The following ADGRL2 variants were observed in gnomAD, a reference collection of about 807,000 sequenced individuals.
ADGRL2 encodes the protein adhesion G protein-coupled receptor L2.
A neutral mutation model predicts 157.4 loss-of-function variants in ADGRL2; 44 were observed. The observed-to-expected ratio is 0.28, with a 90% CI of 0.22 to 0.36. ADGRL2 has a LOEUF of 0.36. Ranked by LOEUF, ADGRL2 falls within the 10% of genes least tolerant of loss-of-function variation. The pLI is 1.00. For synonymous variants in ADGRL2, 585 were observed against 624.7 expected, an observed-to-expected ratio of 0.94 and a Z score of 0.95; for missense variants, 1,510 against 1,768.9, an observed-to-expected ratio of 0.85 and a Z score of 2.63.
At chr1:81,433,047 T>G (rs1379879131) in intron 1 of ADGRL2, among the ~76,000 whole-genome samples, 4 of 152,148 alleles carry the variant, frequency 2.6e-5, no homozygotes, top group Non-Finnish European at 4.4e-5. Flanking sequence ...AACAACTTAC[T>G]GTTTAATGCT....
rs529413277 is a variant in ADGRL2, at chr1:81,456,070, T to C, written c.-248+10981T>C. On this transcript the variant is annotated intron_variant, in intron 2 of 24. Transcript: ENST00000370721. ...CCTAATACATTTGGAAGGGTCTTAGTAATTAATTTTAAGTATCAATGCACT... is the reference window on the plus strand; with the variant it reads ...CCTAATACATTTGGAAGGGTCTTAGCAATTAATTTTAAGTATCAATGCACT... Among the ~76,000 whole-genome samples, 168 of 152,354 alleles carry C rather than the reference T, an allele frequency of 1.1e-3. 1 individual carries two copies. Among genetic ancestry groups the C allele is most frequent in the African/African-American group, 3.8e-3 (157 of 41,588 alleles).
At chr1:81,649,562 G>T (rs1480471802) in intron 3 of ADGRL2, among the ~76,000 whole-genome samples, 1 of 152,078 alleles carries the variant, frequency 6.6e-6, no homozygotes, top group Non-Finnish European at 1.5e-5. Flanking sequence ...GGAATATCTT[G>T]TTTCTTTTAC....
intron 1 of ADGRL2, among the ~76,000 whole-genome samples, chr1:81,390,802 AATTT>A (rs1437336304): frequency 6.6e-6 from 1 of 152,420 alleles, no homozygotes; most frequent in African/African-American, 2.4e-5. Context: ...AATGCAACAA[AATTT>A]ATTTAACCAA....
intron 2 of ADGRL2, among the ~76,000 whole-genome samples, chr1:81,561,826 A>C (rs2080450145): frequency 6.6e-6 from 1 of 152,144 alleles, no homozygotes. Context: ...TGAAACAATT[A>C]CTGCTCTATG....
intron 3 of ADGRL2, among the ~76,000 whole-genome samples, chr1:81,929,704 A>G (rs183951236): frequency 1.3e-5 from 2 of 152,298 alleles, no homozygotes; most frequent in East Asian, 1.9e-4. Flanking sequence ...TTAAAGCTGT[A>G]CACAGTAAAG....
intron 2 of ADGRL2, among the ~76,000 whole-genome samples, chr1:81,541,697 C>T (rs1292563081): frequency 6.6e-6 from 1 of 151,992 alleles, no homozygotes; most frequent in Admixed American, 6.6e-5. Flanking sequence ...CGCCTGTAAT[C>T]CCAGCACTTT....
intron 1 of ADGRL2, among the ~76,000 whole-genome samples, chr1:81,360,973 G>C (rs899195280): frequency 1.3e-5 from 2 of 151,862 alleles, no homozygotes; most frequent in Non-Finnish European, 1.5e-5. Flanking sequence ...GTAGATAACA[G>C]AGAAATGAAA....
intron 1 of ADGRL2, among the ~76,000 whole-genome samples, chr1:81,753,678 C>T (rs1029161788): frequency 1.8e-4 from 28 of 151,976 alleles, no homozygotes; most frequent in African/African-American, 6.5e-4. Flanking sequence ...TTTGTCAATT[C>T]GGAATTTAAA....
intron 1 of ADGRL2, among the ~76,000 whole-genome samples, chr1:81,314,698 G>A (rs1659987247): frequency 6.6e-6 from 1 of 152,114 alleles, no homozygotes; most frequent in African/African-American, 2.4e-5. Context: ...TCTTTAATGA[G>A]ATAAAATAGT....
At chr1:81,344,745 A>G (rs1662356928) in intron 1 of ADGRL2, among the ~76,000 whole-genome samples, 1 of 152,016 alleles carries the variant, frequency 6.6e-6, no homozygotes, top group African/African-American at 2.4e-5. Context: ...AGTAACATAA[A>G]AAATCAAGGA....
Position 81,485,091 on chromosome 1 carries a change from G to A in ADGRL2, c.-248+40002G>A, listed in dbSNP as rs553595836. 2.0e-5 allele frequency among the ~76,000 whole-genome samples: 3 copies of A among 149,154 alleles called. No homozygotes were observed. The South Asian group carries it at 6.3e-4, about 31-fold the overall frequency. On this transcript the variant is annotated intron_variant, in intron 2 of 24. Coordinates refer to the ADGRL2 transcript ENST00000370721. Reference sequence around the variant, plus strand: ...TGCAATATTCAAATGTCTCAAAGTAGAACATTAGTTCAGCTTAGACTTGGA... The same window carrying A: ...TGCAATATTCAAATGTCTCAAAGTAAAACATTAGTTCAGCTTAGACTTGGA...
rs573219462 is a variant in ADGRL2, at chr1:81,725,067, T to G, written c.-143+25259T>G. On this transcript the variant is annotated intron_variant, in intron 1 of 20. Transcript: ENST00000359929. ...AAAAATACAAAAAATTAGCTGGGCATGGTGGCGGGTGCCTGTAATCTCAGC... is the reference window on the plus strand; with the variant it reads ...AAAAATACAAAAAATTAGCTGGGCAGGGTGGCGGGTGCCTGTAATCTCAGC... 2.1e-4 allele frequency among the ~76,000 whole-genome samples: 31 copies of G among 150,370 alleles called. No individual in the cohort carries two copies. In the South Asian group the frequency reaches 5.9e-3, roughly 29 times the overall value.
chr1:81,538,856 A>G (rs1029597618), intron 2 of ADGRL2, among the ~76,000 whole-genome samples: 1 of 152,038 alleles, frequency 6.6e-6, no homozygotes, highest in Non-Finnish European at 1.5e-5. Context: ...AATACAAAAA[A>G]AATTAGCCAG....
chr1:81,890,340 A>G (rs2094228714), intron 2 of ADGRL2, among the ~76,000 whole-genome samples: 2 of 152,336 alleles, frequency 1.3e-5, no homozygotes, highest in South Asian at 4.1e-4. Context: ...AATAAATTAT[A>G]TGGAAAAAAT....
intron 3 of ADGRL2, among the ~76,000 whole-genome samples, chr1:81,630,789 CA>C (rs2081996980): frequency 6.6e-6 from 1 of 152,044 alleles, no homozygotes; most frequent in South Asian, 2.1e-4. Flanking sequence ...TATGAAGTGG[CA>C]AAAACCCTGT....
chr1:81,890,281 A>T (rs2094227062), intron 2 of ADGRL2, among the ~76,000 whole-genome samples: 1 of 152,224 alleles, frequency 6.6e-6, no homozygotes, highest in African/African-American at 2.4e-5. Flanking sequence ...TATATAGTGA[A>T]TATTTAAGAC....
chr1:81,851,804 C>T (rs11163391), intron 2 of ADGRL2, among the ~76,000 whole-genome samples: 42,115 of 149,708 alleles, frequency 0.28, 6,432 homozygotes, highest in East Asian at 0.68. Context: ...TTATTTTCCA[C>T]GTACGTTTGC....
intron 2 of ADGRL2, among the ~76,000 whole-genome samples, chr1:81,526,788 C>T (rs2079468576): frequency 1.3e-5 from 2 of 152,310 alleles, no homozygotes; most frequent in Middle Eastern, 3.4e-3. Flanking sequence ...TACACATTCT[C>T]CATATTTGGA....
At chr1:81,813,482 G>T (rs551262847) in intron 1 of ADGRL2, among the ~76,000 whole-genome samples, 1 of 151,684 alleles carries the variant, frequency 6.6e-6, no homozygotes, top group South Asian at 2.1e-4. Context: ...GAGATTTGTG[G>T]TACTGGTATG....
Sources: allele counts gnomAD v4.1 joint callset (sites outside exome capture counted in the v4.1 genomes callset), GRCh38; gene constraint gnomAD v4.1.1; transcripts MANE v1.5; gene names NCBI Gene and HGNC (gene_info 2026-07-23, HGNC 2026-07-21).